The following GRM7 variants were observed in gnomAD, a reference collection of about 807,000 sequenced individuals.
GRM7 encodes glutamate metabotropic receptor 7.
GRM7 carries 35 observed loss-of-function variants against 84.5 expected under a neutral mutation model. The ratio of observed to expected loss-of-function variants is 0.41; its 90% CI spans 0.32 to 0.55. The LOEUF (loss-of-function observed/expected upper bound fraction) is 0.55. Ranked by LOEUF, GRM7 falls within the 20% of genes least tolerant of loss-of-function variation. The probability of loss-of-function intolerance (pLI) is 0.19; values close to 1 mark genes in which losing one functional copy is unlikely to be tolerated. For synonymous variants in GRM7, 487 were observed against 455.1 expected (o/e 1.07, Z -0.89); for missense variants, 1,003 against 1,194.6 (o/e 0.84, Z 2.36).
At chr3:7,063,923 G>A (rs1162834121) in intron 1 of GRM7, among the ~76,000 whole-genome samples, 2 of 151,696 alleles carry the variant, frequency 1.3e-5, no homozygotes, top group African/African-American at 4.8e-5. Flanking sequence ...GGAAATCTCT[G>A]CAGCTTAACA....
At chr3:7,226,537 A>T (rs1478821760) in intron 2 of GRM7, among the ~76,000 whole-genome samples, 1 of 152,212 alleles carries the variant, frequency 6.6e-6, no homozygotes, top group East Asian at 1.9e-4. Context: ...TAACACAATC[A>T]TAGGAGTGAC....
chr3:7,519,440 G>A (rs1700511599), intron 7 of GRM7, among the ~76,000 whole-genome samples: 1 of 151,956 alleles, frequency 6.6e-6, no homozygotes, highest in African/African-American at 2.4e-5. Flanking sequence ...CTGGGACATA[G>A]GCTGTGTCTA....
At chr3:7,701,957 C>T (rs1277409263) in intron 9 of GRM7, among the ~76,000 whole-genome samples, 1 of 152,066 alleles carries the variant, frequency 6.6e-6, no homozygotes, top group Non-Finnish European at 1.5e-5. Flanking sequence ...ATATAAAATA[C>T]AATGGAGTTT....
intron 5 of GRM7, among the ~76,000 whole-genome samples, chr3:7,421,472 T>C (rs1002875387): frequency 6.6e-6 from 1 of 152,180 alleles, no homozygotes; most frequent in Non-Finnish European, 1.5e-5. Context: ...TTTGTAGAAA[T>C]TCAATCTTTT....
intron 2 of GRM7, among the ~76,000 whole-genome samples, chr3:7,206,575 T>C (rs924508699): frequency 6.6e-6 from 1 of 152,196 alleles, no homozygotes; most frequent in Non-Finnish European, 1.5e-5. Context: ...GTGCTAACAA[T>C]GGCTACATTG....
rs35962540 is a variant in GRM7, at chr3:6,932,751, C to CTTTT, written c.519+70862_519+70865dup. Among the ~76,000 whole-genome samples, 49 of 93,770 alleles carry CTTTT rather than the reference C, an allele frequency of 5.2e-4. 1 individual carries two copies. Among genetic ancestry groups the CTTTT allele is most frequent in the East Asian group, 1.0e-3 (3 of 2,964 alleles). The allele number at this position is 93,770 out of a possible 152,430, so 61.5% of individuals were successfully genotyped here. On this transcript the variant is annotated intron_variant, in intron 1 of 9. Coordinates refer to ENST00000357716, the MANE Select transcript of GRM7 (RefSeq NM_000844.4). ...TTTTTTAATGTTTTCTTCTTTCTCTCTTTTTTTTTTTTTTTTTTTTTGAGA... is the reference window on the plus strand; with the variant it reads ...TTTTTTAATGTTTTCTTCTTTCTCTCTTTTTTTTTTTTTTTTTTTTTTTTTGAGA...
intron 2 of GRM7, among the ~76,000 whole-genome samples, chr3:7,290,350 G>C (rs1391446097): frequency 6.6e-6 from 1 of 152,134 alleles, no homozygotes; most frequent in Non-Finnish European, 1.5e-5. Flanking sequence ...TAGATTTTAA[G>C]GTTAAGTCAG....
At chr3:6,914,953 A>T (rs1192080453) in intron 1 of GRM7, among the ~76,000 whole-genome samples, 1 of 152,108 alleles carries the variant, frequency 6.6e-6, no homozygotes, top group Non-Finnish European at 1.5e-5. Flanking sequence ...GATATTTTTG[A>T]CAGGAACTCA....
At chr3:7,356,297 A>ATTTTTTTT (rs1011380269) in intron 4 of GRM7, among the ~76,000 whole-genome samples, 35 of 149,008 alleles carry the variant, frequency 2.3e-4, no homozygotes, top group African/African-American at 8.4e-4. Flanking sequence ...GCAGAGGAGG[A>ATTTTTTTT]TTTTTTTTTT....
intron 4 of GRM7, among the ~76,000 whole-genome samples, chr3:7,389,952 G>A (rs1171771590): frequency 2.0e-5 from 3 of 152,056 alleles, no homozygotes; most frequent in East Asian, 1.9e-4. Flanking sequence ...TGCTTGTGCA[G>A]TTGGCTTCCA....
chr3:6,959,261 G>A (rs1358167919), intron 1 of GRM7, among the ~76,000 whole-genome samples: 1 of 152,144 alleles, frequency 6.6e-6, no homozygotes, highest in Non-Finnish European at 1.5e-5. Context: ...TCATGGCCAT[G>A]ACTCTAGCCT....
chr3:7,531,271 C>A (rs1420140518), intron 7 of GRM7, among the ~76,000 whole-genome samples: 1 of 152,122 alleles, frequency 6.6e-6, no homozygotes, highest in African/African-American at 2.4e-5. Context: ...GGCATTATAT[C>A]TGAGGCCTTT....
chr3:6,950,493 C>A (rs1692704947), intron 1 of GRM7, among the ~76,000 whole-genome samples: 1 of 152,314 alleles, frequency 6.6e-6, no homozygotes, highest in South Asian at 2.1e-4. Context: ...AGTTAGGCTG[C>A]TGGGGGGTCA....
intron 1 of GRM7, among the ~76,000 whole-genome samples, chr3:6,947,221 T>G (rs1464301862): frequency 2.6e-5 from 4 of 152,182 alleles, no homozygotes; most frequent in Non-Finnish European, 4.4e-5. Context: ...TTTTGAGCTA[T>G]GTCCCATCAA....
intron 4 of GRM7, among the ~76,000 whole-genome samples, chr3:7,382,954 T>C (rs569168991): frequency 1.3e-5 from 2 of 152,304 alleles, no homozygotes; most frequent in East Asian, 3.9e-4. Context: ...ATCCACAGAC[T>C]GTGACTTCAA....
intron 2 of GRM7, among the ~76,000 whole-genome samples, chr3:7,282,956 G>A (rs1158154336): frequency 6.6e-6 from 1 of 152,146 alleles, no homozygotes; most frequent in Admixed American, 6.5e-5. Context: ...TCGAGATTTA[G>A]GACTAAGTTT....
At chr3:7,031,014 G>T (rs1335730689) in intron 1 of GRM7, among the ~76,000 whole-genome samples, 4 of 152,060 alleles carry the variant, frequency 2.6e-5, no homozygotes, top group African/African-American at 7.2e-5. Flanking sequence ...AAATATGTTT[G>T]TAGCAAGAAA....
At chr3:7,642,334 A>G (rs901299481) in intron 8 of GRM7, among the ~76,000 whole-genome samples, 2 of 152,182 alleles carry the variant, frequency 1.3e-5, no homozygotes, top group Non-Finnish European at 2.9e-5. Flanking sequence ...ATCTCAAAAA[A>G]AAAGTGGTAG....
At chr3:7,413,610 C>T (rs950520576) in intron 4 of GRM7, among the ~76,000 whole-genome samples, 1 of 152,118 alleles carries the variant, frequency 6.6e-6, no homozygotes, top group Non-Finnish European at 1.5e-5. Context: ...TGGGTTTTAC[C>T]GTTTTGATTG....
Sources: gnomAD v4.1 joint callset for allele counts (sites outside exome capture counted in the v4.1 genomes callset) on GRCh38, gnomAD v4.1.1 for gene constraint, MANE v1.5 for transcripts, NCBI Gene and HGNC (gene_info 2026-07-23, HGNC 2026-07-21) for gene names.